The following GRID1 variants were observed in gnomAD, a reference collection of about 807,000 sequenced individuals.
GRID1 encodes glutamate receptor ionotropic, delta-1.
GRID1 carries 28 observed loss-of-function variants against 98.0 expected under a neutral mutation model. The observed-to-expected ratio is 0.29, with a 90% confidence interval of 0.21 to 0.39. GRID1 has a LOEUF of 0.39. Ranked by LOEUF, GRID1 falls within the 10% of genes least tolerant of loss-of-function variation. GRID1 has a pLI of 1.00. For synonymous variants in GRID1, 553 were observed against 538.5 expected, an observed-to-expected ratio of 1.03 and a Z score of -0.37; for missense variants, 1,111 against 1,340.5, an observed-to-expected ratio of 0.83 and a Z score of 2.67.
intron 8 of GRID1, among the ~76,000 whole-genome samples, chr10:85,756,169 A>G (rs1842096358): frequency 6.6e-6 from 1 of 152,102 alleles, no homozygotes; most frequent in Admixed American, 6.5e-5. Context: ...CATAAATTTA[A>G]TCCCCTTTTC....
intron 12 of GRID1, among the ~76,000 whole-genome samples, chr10:85,715,552 C>T (rs964980120): frequency 3.3e-5 from 5 of 152,032 alleles, no homozygotes; most frequent in African/African-American, 4.8e-5. Context: ...GGGCAAGGAC[C>T]TGAATAGACA....
At chr10:86,314,639 T>C (rs1048316264) in intron 2 of GRID1, among the ~76,000 whole-genome samples, 3 of 152,202 alleles carry the variant, frequency 2.0e-5, no homozygotes, top group African/African-American at 7.2e-5. Flanking sequence ...AGGTGCCTGC[T>C]GCTCACCAGA....
At chr10:86,140,095 G>A (rs535188117) in intron 3 of GRID1, among the ~76,000 whole-genome samples, 56 of 152,314 alleles carry the variant, frequency 3.7e-4, no homozygotes, top group Non-Finnish European at 7.4e-4. Context: ...GCCAGTGAAT[G>A]CCTTTGTTTG....
In GRID1 at chr10:85,724,501, G is replaced by A. The variant is rs1841739604; in HGVS notation, c.1709C>T (p.Ala570Val). ...CACACCAACCACAGGGATGGCTGCTGCAATGCAGGCCCACACAGCGAAATC... is the reference window on the plus strand; with the variant it reads ...CACACCAACCACAGGGATGGCTGCTACAATGCAGGCCCACACAGCGAAATC... ...PFDFAVWACI[A>V]AAIPVVGVLI... Residue 570 changes from alanine to valine, a missense_variant, in exon 11 of 16, where the codon GCA becomes GTA. Ala to Val is a moderately conservative substitution (Grantham distance 64). Around this residue, in one of 3 missense-constraint regions of GRID1, gnomAD observed 762 missense variants for 869.1 expected, o/e 0.88. Coordinates refer to ENST00000327946, the MANE Select transcript of GRID1 (RefSeq NM_017551.3). 6.2e-7 allele frequency: 1 copy of A among 1,614,114 alleles called. No individual in the cohort carries two copies.
chr10:85,997,929 C>T (rs1413533177), intron 4 of GRID1, among the ~76,000 whole-genome samples: 1 of 152,072 alleles, frequency 6.6e-6, no homozygotes, highest in Non-Finnish European at 1.5e-5. Context: ...AAATTAACAT[C>T]AGACAAATGA....
chr10:86,067,597 C>T (rs1052613139), intron 4 of GRID1, among the ~76,000 whole-genome samples: 2 of 152,214 alleles, frequency 1.3e-5, no homozygotes, highest in African/African-American at 4.8e-5. Context: ...ACAGGCACTG[C>T]GGTTCCCCAC....
intron 4 of GRID1, among the ~76,000 whole-genome samples, chr10:85,994,565 A>G (rs1183942412): frequency 3.9e-5 from 6 of 152,202 alleles, no homozygotes; most frequent in Non-Finnish European, 5.9e-5. Flanking sequence ...AGGCCCTGAA[A>G]TGAAGAAATA....
At chr10:85,902,892 G>A (rs1407246988) in intron 5 of GRID1, among the ~76,000 whole-genome samples, 1 of 151,862 alleles carries the variant, frequency 6.6e-6, no homozygotes, top group African/African-American at 2.4e-5. Context: ...TGGCTTCTGG[G>A]ACCCCCCCAC....
At chr10:86,188,317 G>A (rs112674586) in intron 3 of GRID1, among the ~76,000 whole-genome samples, 8 of 152,322 alleles carry the variant, frequency 5.3e-5, no homozygotes, top group African/African-American at 1.7e-4. Flanking sequence ...CCATCCCCAT[G>A]CCAACAAGGG....
At chr10:85,654,928 G>A (rs1284193256) in intron 12 of GRID1, among the ~76,000 whole-genome samples, 1 of 152,210 alleles carries the variant, frequency 6.6e-6, no homozygotes, top group Non-Finnish European at 1.5e-5. Flanking sequence ...CTGTATGTAA[G>A]TAGAGCTCAG....
intron 2 of GRID1, among the ~76,000 whole-genome samples, chr10:86,210,813 A>G (rs1377223098): frequency 1.3e-5 from 2 of 152,268 alleles, no homozygotes; most frequent in Admixed American, 6.5e-5. Flanking sequence ...GGCTTCTAAC[A>G]TAAAAATAAT....
chr10:86,334,310 A>G lies in GRID1; in HGVS notation c.235+29631T>C, dbSNP rs186587475. ...CATTTACTGCTGCTGCTGGCTGTCT[A>G]GATGAAGTGAAGCAGTTCCCAGAGT... On this transcript the variant is annotated intron_variant, in intron 2 of 15. Coordinates refer to ENST00000327946, the MANE Select transcript of GRID1 (RefSeq NM_017551.3). Among the ~76,000 whole-genome samples, 20 of 152,286 alleles carry G rather than the reference A, an allele frequency of 1.3e-4. No homozygotes were observed. The East Asian group carries it at 3.1e-3, about 23-fold the overall frequency.
At chr10:86,271,651 T>C (rs1847186555) in intron 2 of GRID1, among the ~76,000 whole-genome samples, 1 of 152,154 alleles carries the variant, frequency 6.6e-6, no homozygotes, top group African/African-American at 2.4e-5. Context: ...ATTGGATTAA[T>C]GTCAAATTTG....
intron 4 of GRID1, among the ~76,000 whole-genome samples, chr10:85,919,938 C>G (rs1383268816): frequency 6.1e-5 from 6 of 97,834 alleles, no homozygotes; most frequent in Middle Eastern, 4.1e-3. Flanking sequence ...TCACTCCCAA[C>G]ACCAGCCAAC....
intron 4 of GRID1, among the ~76,000 whole-genome samples, chr10:85,947,131 G>C (rs1781508854): frequency 6.6e-6 from 1 of 152,178 alleles, no homozygotes; most frequent in Non-Finnish European, 1.5e-5. Context: ...ACACAGCATG[G>C]CCGTGGCTGC....
chr10:86,125,653 T>C (rs1364319105), intron 4 of GRID1, among the ~76,000 whole-genome samples: 3 of 152,174 alleles, frequency 2.0e-5, no homozygotes, highest in Non-Finnish European at 4.4e-5. Context: ...TTTCACTGAA[T>C]GTGACTGCCT....
At chr10:85,988,460 A>C (rs908652054) in intron 4 of GRID1, among the ~76,000 whole-genome samples, 1 of 152,228 alleles carries the variant, frequency 6.6e-6, no homozygotes, top group African/African-American at 2.4e-5. Flanking sequence ...CAAATGAATC[A>C]TTTACAAGAA....
intron 4 of GRID1, among the ~76,000 whole-genome samples, chr10:86,103,881 T>C (rs561283272): frequency 6.6e-6 from 1 of 152,160 alleles, no homozygotes; most frequent in African/African-American, 2.4e-5. Flanking sequence ...CAATCAGTCA[T>C]CCAGTGACAG....
intron 4 of GRID1, among the ~76,000 whole-genome samples, chr10:85,982,069 T>C (rs1443974677): frequency 1.3e-5 from 2 of 152,016 alleles, no homozygotes; most frequent in Non-Finnish European, 2.9e-5. Flanking sequence ...AGCGCTTGTT[T>C]GGCATGTTTG....
Sources: gnomAD v4.1 joint callset for allele counts (sites outside exome capture counted in the v4.1 genomes callset) on GRCh38, gnomAD v4.1.1 for gene constraint, gnomAD v4.1.1 regional missense constraint, MANE v1.5 for transcripts, NCBI Gene and HGNC (gene_info 2026-07-23, HGNC 2026-07-21) for gene names.